The following EDA variants were observed in gnomAD, a reference collection of about 807,000 sequenced individuals.
The protein encoded by EDA is ectodysplasin A, also known as ectodysplasin-A.
A neutral mutation model predicts 23.6 loss-of-function variants in EDA; 2 were observed. The ratio of observed to expected loss-of-function variants is 0.08; its 90% CI spans 0.03 to 0.27. EDA has a LOEUF of 0.27. Ranked by LOEUF, EDA falls within the 10% of genes least tolerant of loss-of-function variation. The probability of loss-of-function intolerance (pLI) is 1.00; values close to 1 mark genes in which losing one functional copy is unlikely to be tolerated. For missense variants in EDA, 229 were observed against 324.2 expected, an observed-to-expected ratio of 0.71 and a Z score of 2.26; for synonymous variants, 131 against 132.0, an observed-to-expected ratio of 0.99 and a Z score of 0.05.
intron 1 of EDA, among the ~76,000 whole-genome samples, chrX:69,910,767 T>C (rs2018255128): frequency 9.0e-6 from 1 of 111,719 alleles, no homozygotes; most frequent in Non-Finnish European, 1.9e-5. Context: ...TCTGTTTCAA[T>C]TTTTTCTTTC....
chrX:69,894,512 A>G (rs1313563640), intron 1 of EDA, among the ~76,000 whole-genome samples: 2 of 112,011 alleles, frequency 1.8e-5, no homozygotes, highest in East Asian at 2.8e-4. Flanking sequence ...GGCCATTTTA[A>G]CAATATTGAT....
chrX:69,824,094 A>G (rs2016331510), intron 1 of EDA, among the ~76,000 whole-genome samples: 1 of 102,351 alleles, frequency 9.8e-6, no homozygotes, highest in African/African-American at 3.6e-5. Context: ...TGTTTTGGTT[A>G]CTGTAGCCTT....
rs754981946 is a variant in EDA, at chrX:70,023,478, C to CTTTTTTT, written c.526+259_526+265dup. Among the ~76,000 whole-genome samples the CTTTTTTT allele has an allele frequency of 3.0e-3, 102 of 33,491 alleles. 3 individuals carry two copies. The highest frequency in any genetic ancestry group is 5.3e-3 in the East Asian group (4 of 750). The allele number at this position is 33,491 out of a possible 115,157, so 29.1% of individuals were successfully genotyped here. A position where few individuals can be genotyped will look rare whatever the true frequency, so the allele number is the denominator to read the frequency against. On this transcript the variant is annotated intron_variant, in intron 3 of 7. Coordinates refer to ENST00000374552, the MANE Select transcript of EDA (RefSeq NM_001399.5). ...TCTTCTCCCTGCCCTTCTTTTTATT[C>CTTTTTTT]TTTTTTTTTTTTTTTTTTTTTTTTT...
At chrX:69,833,211 T>C (rs1180183071) in intron 1 of EDA, among the ~76,000 whole-genome samples, 1 of 112,000 alleles carries the variant, frequency 8.9e-6, no homozygotes, top group Non-Finnish European at 1.9e-5. Flanking sequence ...TGAGATATGT[T>C]CCATCAATAC....
chrX:69,783,185 T>C (rs1232393219), intron 1 of EDA, among the ~76,000 whole-genome samples: 5 of 111,834 alleles, frequency 4.5e-5, no homozygotes, highest in African/African-American at 1.3e-4. Context: ...AGCAGTGAAA[T>C]AGTTCTCGCT....
intron 1 of EDA, among the ~76,000 whole-genome samples, chrX:69,683,593 T>C (rs188396197): frequency 3.4e-3 from 378 of 111,863 alleles, no homozygotes; most frequent in Non-Finnish European, 5.8e-3. Flanking sequence ...TATTTGCCTT[T>C]CATCTTAGTC....
intron 1 of EDA, among the ~76,000 whole-genome samples, chrX:69,888,943 C>G (rs1489074304): frequency 1.4e-5 from 1 of 71,346 alleles, no homozygotes; most frequent in Non-Finnish European, 2.5e-5. Context: ...GGTATATACC[C>G]AGAAGTGAAG....
intron 2 of EDA, among the ~76,000 whole-genome samples, chrX:70,002,078 A>G (rs1320560651): frequency 8.9e-6 from 1 of 111,743 alleles, no homozygotes; most frequent in Non-Finnish European, 1.9e-5. Flanking sequence ...TAAGAAGATA[A>G]ATTCAATCTG....
At chrX:69,973,144 T>G (rs1015313968) in intron 2 of EDA, among the ~76,000 whole-genome samples, 12 of 111,332 alleles carry the variant, frequency 1.1e-4, no homozygotes, top group Admixed American at 4.8e-4. Context: ...CCAGATAATG[T>G]TTTTATATAC....
At chrX:69,813,744 G>C (rs755045200) in intron 1 of EDA, among the ~76,000 whole-genome samples, 1 of 110,413 alleles carries the variant, frequency 9.1e-6, no homozygotes, top group Admixed American at 9.7e-5. Flanking sequence ...ATTTGCAGTG[G>C]CATACCCCAG....
intron 1 of EDA, among the ~76,000 whole-genome samples, chrX:69,704,510 G>T (rs959774091): frequency 1.8e-5 from 2 of 110,129 alleles, no homozygotes; most frequent in Non-Finnish European, 3.8e-5. Flanking sequence ...ATTTCAAAAG[G>T]GGGGAGGGTA....
At chrX:69,832,289 T>C (rs767059730) in intron 1 of EDA, among the ~76,000 whole-genome samples, 1 of 111,989 alleles carries the variant, frequency 8.9e-6, no homozygotes, top group Non-Finnish European at 1.9e-5. Context: ...ATTTATTAAA[T>C]AGGGAATCCT....
At chrX:69,681,730 T>G (rs1251532635) in intron 1 of EDA, among the ~76,000 whole-genome samples, 6 of 110,421 alleles carry the variant, frequency 5.4e-5, no homozygotes, top group Non-Finnish European at 7.6e-5. Flanking sequence ...CTTCTAAATT[T>G]TTTTCAAAGT....
chrX:69,825,568 G>A (rs369735434), intron 1 of EDA, among the ~76,000 whole-genome samples: 67 of 80,731 alleles, frequency 8.3e-4, no homozygotes, highest in South Asian at 1.7e-3. Flanking sequence ...TTTTTATTGC[G>A]TCTATTTGAT....
At chrX:69,623,958 T>C (rs1263149671) in intron 1 of EDA, among the ~76,000 whole-genome samples, 1 of 111,104 alleles carries the variant, frequency 9.0e-6, no homozygotes, top group Non-Finnish European at 1.9e-5. Flanking sequence ...ATAAGTAGTA[T>C]TGGGATTTAC....
intron 1 of EDA, among the ~76,000 whole-genome samples, chrX:69,885,627 C>A (rs2017815994): frequency 8.9e-6 from 1 of 112,041 alleles, no homozygotes; most frequent in Non-Finnish European, 1.9e-5. Context: ...CATCCACAGA[C>A]AAAATTGTCT....
intron 1 of EDA, among the ~76,000 whole-genome samples, chrX:69,711,540 A>C (rs770113200): frequency 9.0e-6 from 1 of 111,311 alleles, no homozygotes; most frequent in Non-Finnish European, 1.9e-5. Flanking sequence ...CTCTTTTTCT[A>C]TTGATTGGAA....
At chrX:69,713,929 T>G (rs994094290) in intron 1 of EDA, among the ~76,000 whole-genome samples, 2 of 110,717 alleles carry the variant, frequency 1.8e-5, no homozygotes, top group Non-Finnish European at 3.8e-5. Context: ...TTTAGTTTTT[T>G]TTTTTTTTCC....
At position 69,722,614 on chromosome X, in the gene EDA, C is replaced by G. The variant is rs1340457204; in HGVS notation, c.396+105910C>G. 2.7e-5 allele frequency among the ~76,000 whole-genome samples: 3 copies of G among 111,782 alleles called. No individual in the cohort carries two copies. In the Admixed American group the frequency reaches 2.9e-4, roughly 11 times the overall value. On this transcript the variant is annotated intron_variant, in intron 1 of 7. Transcript: ENST00000374552. ...TCAGAATATATCTCTTTTTAAGGCT[C>G]ACATCATTCTGAATCTTGGCCTTTT...
Sources: allele counts gnomAD v4.1 joint callset (sites outside exome capture counted in the v4.1 genomes callset), GRCh38; gene constraint gnomAD v4.1.1; transcripts MANE v1.5; gene names NCBI Gene and HGNC (gene_info 2026-07-23, HGNC 2026-07-21).